NBEA: variants seen among roughly 807,000 people sequenced by gnomAD.
The protein encoded by NBEA is lysosomal-trafficking regulator 2.
Under a neutral mutation model 343.4 loss-of-function variants are expected in NBEA, and 44 were observed. That is an observed-to-expected ratio of 0.13 (90% CI 0.10 to 0.16). The LOEUF (loss-of-function observed/expected upper bound fraction) is 0.16, where lower values mean the gene tolerates loss of function less well. NBEA is among the 10% of genes least tolerant of loss of function. The pLI, the probability that NBEA is intolerant of heterozygous loss-of-function variation, is 1.00. For synonymous variants in NBEA, 1,175 were observed against 1,238.7 expected (o/e 0.95, Z 1.08); for missense variants, 2,555 against 3,631.3 (o/e 0.70, Z 7.62).
intron 41 of NBEA, among the ~76,000 whole-genome samples, chr13:35,511,368 A>G (rs916630852): frequency 2.0e-5 from 3 of 152,230 alleles, no homozygotes; most frequent in East Asian, 1.9e-4. Flanking sequence ...ATCAATATAT[A>G]ACAGTATGTT....
chr13:35,153,426 A>G (rs773045836), intron 18 of NBEA, among the ~76,000 whole-genome samples: 17 of 152,292 alleles, frequency 1.1e-4, no homozygotes, highest in Admixed American at 1.1e-3. Flanking sequence ...ATAAATTGCT[A>G]CTAGAAATGA....
chr13:35,140,332 A>T (rs889111418), intron 17 of NBEA, among the ~76,000 whole-genome samples: 7 of 151,936 alleles, frequency 4.6e-5, no homozygotes, highest in Non-Finnish European at 8.8e-5. Context: ...ACTAATTTAG[A>T]CATATGTTTA....
intron 17 of NBEA, among the ~76,000 whole-genome samples, chr13:35,133,504 G>C (rs370128763): frequency 7.2e-5 from 11 of 152,036 alleles, no homozygotes; most frequent in East Asian, 5.8e-4. Flanking sequence ...CATAGAGAAA[G>C]TCTCATGTGT....
intron 55 of NBEA, among the ~76,000 whole-genome samples, chr13:35,660,208 T>C (rs1344725872): frequency 6.6e-6 from 1 of 152,218 alleles, no homozygotes; most frequent in East Asian, 1.9e-4. Flanking sequence ...CAAGTTAACA[T>C]TGTTGTCTCT....
chr13:34,951,145 T>C (rs979929815), intron 1 of NBEA, among the ~76,000 whole-genome samples: 2 of 152,164 alleles, frequency 1.3e-5, no homozygotes, highest in African/African-American at 4.8e-5. Flanking sequence ...TTCTTTAGGC[T>C]AAGGAAAAAA....
chr13:35,279,102 G>T (rs1323558729), intron 34 of NBEA, among the ~76,000 whole-genome samples: 1 of 152,094 alleles, frequency 6.6e-6, no homozygotes, highest in Non-Finnish European at 1.5e-5. Flanking sequence ...GATTCATTAG[G>T]TATACAATGT....
intron 35 of NBEA, among the ~76,000 whole-genome samples, chr13:35,309,252 C>T (rs887294381): frequency 7.2e-5 from 11 of 152,022 alleles, no homozygotes; most frequent in Admixed American, 5.9e-4. Flanking sequence ...TGGAAAGAAG[C>T]TTTGTGCTCA....
chr13:35,468,300 C>G (rs1383868976), intron 40 of NBEA, among the ~76,000 whole-genome samples: 2 of 152,170 alleles, frequency 1.3e-5, no homozygotes, highest in Non-Finnish European at 2.9e-5. Flanking sequence ...GCACCAACTT[C>G]ATACAGGGTT....
intron 10 of NBEA, among the ~76,000 whole-genome samples, chr13:35,085,592 A>G (rs1457809218): frequency 6.6e-6 from 1 of 152,184 alleles, no homozygotes; most frequent in Non-Finnish European, 1.5e-5. Flanking sequence ...TTAAAATAAT[A>G]AGAGCTATTT....
intron 41 of NBEA, among the ~76,000 whole-genome samples, chr13:35,493,537 T>G (rs76498557): frequency 0.033 from 5,059 of 152,060 alleles, 274 homozygotes; most frequent in African/African-American, 0.12. Context: ...CCTAGTCATA[T>G]GTTTTATTTG....
chr13:35,007,610 GC>G (rs2061360354), intron 1 of NBEA, among the ~76,000 whole-genome samples: 1 of 152,034 alleles, frequency 6.6e-6, no homozygotes. Context: ...TCCTGCAGCG[GC>G]CTCCTGAATA....
intron 1 of NBEA, among the ~76,000 whole-genome samples, chr13:35,030,571 T>TA (rs1437207779): frequency 6.6e-6 from 1 of 151,700 alleles, no homozygotes; most frequent in Non-Finnish European, 1.5e-5. Context: ...ATAGGATCGT[T>TA]AGAGAATTGT....
chr13:35,386,355 A>G (rs1034929234), intron 38 of NBEA, among the ~76,000 whole-genome samples: 9 of 152,184 alleles, frequency 5.9e-5, no homozygotes, highest in African/African-American at 1.9e-4. Context: ...TTAAGAAACA[A>G]TTAAGTGTTC....
chr13:35,529,625 A>G (rs929316126), intron 41 of NBEA, among the ~76,000 whole-genome samples: 4 of 152,258 alleles, frequency 2.6e-5, no homozygotes, highest in East Asian at 1.9e-4. Flanking sequence ...ATACTGTGAC[A>G]TATCTATATG....
At chr13:34,977,225 C>A (rs559233320) in intron 1 of NBEA, among the ~76,000 whole-genome samples, 1 of 152,130 alleles carries the variant, frequency 6.6e-6, no homozygotes, top group Non-Finnish European at 1.5e-5. Flanking sequence ...TAGGTGTGAG[C>A]CACTGCGCCC....
chr13:35,070,966 G>A, intron 10 of NBEA, 114 bp downstream of exon 10: 2 of 1,227,720 alleles, frequency 1.6e-6, no homozygotes, highest in South Asian at 6.2e-5. Flanking sequence ...CCCTTAAAGT[G>A]TAATAAAAAA....
rs184220886 is a variant in NBEA, at chr13:35,269,429, A to C, written c.5777-20960A>C. 2.6e-5 allele frequency among the ~76,000 whole-genome samples: 4 copies of C among 152,288 alleles called. No individual in the cohort carries two copies. The East Asian group carries it at 7.7e-4, about 29-fold the overall frequency. On this transcript the variant is annotated intron_variant, in intron 34 of 58. Transcript: ENST00000379939. ...TTATGTCTCATTACTTTAACATTTT[A>C]CTGAATATTCTAACTAGTACAGTAA...
intron 47 of NBEA, among the ~76,000 whole-genome samples, chr13:35,598,474 C>T (rs2081906646): frequency 6.6e-6 from 1 of 152,176 alleles, no homozygotes; most frequent in Non-Finnish European, 1.5e-5. Flanking sequence ...ACATGGTTTG[C>T]AGCTGAGTAT....
intron 38 of NBEA, among the ~76,000 whole-genome samples, chr13:35,383,092 T>C (rs1326492083): frequency 6.6e-6 from 1 of 152,158 alleles, no homozygotes; most frequent in Non-Finnish European, 1.5e-5. Flanking sequence ...CAGTACCTTA[T>C]AGATTTGAGG....
Sources: allele counts gnomAD v4.1 joint callset (sites outside exome capture counted in the v4.1 genomes callset), GRCh38; gene constraint gnomAD v4.1.1; transcripts MANE v1.5; gene names NCBI Gene and HGNC (gene_info 2026-07-23, HGNC 2026-07-21).